TANC1: variants seen among roughly 807,000 people sequenced by gnomAD.
The protein encoded by TANC1 is tetratricopeptide repeat, ankyrin repeat and coiled-coil containing 1.
In TANC1, 77 loss-of-function variants were observed where a neutral mutation model predicts 149.7. That is an observed-to-expected ratio of 0.51 (90% CI 0.43 to 0.62). The LOEUF is 0.62. Ranked by LOEUF, TANC1 falls within the 20% of genes least tolerant of loss-of-function variation. The pLI, the probability that TANC1 is intolerant of heterozygous loss-of-function variation, is 0.00. For synonymous variants in TANC1, 854 were observed against 925.0 expected (o/e 0.92, Z 1.39); for missense variants, 1,985 against 2,321.8 (o/e 0.85, Z 2.98).
chr2:159,060,311 C>T (rs2042149626), intron 2 of TANC1, among the ~76,000 whole-genome samples: 2 of 152,120 alleles, frequency 1.3e-5, no homozygotes, highest in African/African-American at 2.4e-5. Flanking sequence ...GCTTTGAGGC[C>T]AGGTGGATAG....
intron 7 of TANC1, among the ~76,000 whole-genome samples, chr2:159,161,625 A>G (rs898328525): frequency 4.6e-5 from 7 of 152,320 alleles, no homozygotes; most frequent in Middle Eastern, 3.4e-3. Flanking sequence ...TCTGCTGTCA[A>G]CACCACCATT....
intron 7 of TANC1, among the ~76,000 whole-genome samples, chr2:159,159,159 T>A (rs1414581892): frequency 2.0e-5 from 3 of 152,176 alleles, no homozygotes; most frequent in Non-Finnish European, 4.4e-5. Flanking sequence ...CCATTCAACA[T>A]AGAACCTTCA....
chr2:159,037,908 T>G (rs1381804276), intron 2 of TANC1, among the ~76,000 whole-genome samples: 1 of 152,208 alleles, frequency 6.6e-6, no homozygotes, highest in Non-Finnish European at 1.5e-5. Flanking sequence ...ATTGGTAGCT[T>G]GATGGAGATG....
At chr2:159,226,577 A>C (rs113756798) in intron 24 of TANC1, 196 of 152,340 alleles carry the variant, frequency 1.3e-3, no homozygotes, top group African/African-American at 4.6e-3. Context: ...TTTACTTAAT[A>C]CAGTCAAGTA....
intron 17 of TANC1, among the ~76,000 whole-genome samples, chr2:159,195,228 C>T (rs2057760009): frequency 2.0e-5 from 3 of 152,206 alleles, no homozygotes; most frequent in Non-Finnish European, 4.4e-5. Flanking sequence ...TTAAGTGATT[C>T]TCCTGCTTCA....
intron 16 of TANC1, among the ~76,000 whole-genome samples, chr2:159,192,657 GTTTTGCTT>G (rs1277004024): frequency 2.0e-5 from 3 of 152,030 alleles, no homozygotes; most frequent in Non-Finnish European, 4.4e-5. Flanking sequence ...TTTTGTTTTT[GTTTTGCTT>G]TTGAGACGGA....
intron 4 of TANC1, among the ~76,000 whole-genome samples, chr2:159,121,300 T>C (rs1207221410): frequency 6.6e-6 from 1 of 152,248 alleles, no homozygotes; most frequent in Non-Finnish European, 1.5e-5. Context: ...TTTATGCACT[T>C]AATTGCACTA....
chr2:159,187,746 ATCAC>A (rs1226402204), intron 16 of TANC1, among the ~76,000 whole-genome samples: 1 of 152,142 alleles, frequency 6.6e-6, no homozygotes, highest in East Asian at 1.9e-4. Flanking sequence ...TTCCCCCCGA[ATCAC>A]TCACATTGTT....
intron 16 of TANC1, among the ~76,000 whole-genome samples, chr2:159,189,108 T>G (rs549161416): frequency 3.9e-5 from 6 of 152,344 alleles, no homozygotes; most frequent in African/African-American, 1.2e-4. Context: ...TCTCAAGTGA[T>G]GAGAAACCTT....
chr2:159,037,374 C>T (rs1396253068), intron 2 of TANC1, among the ~76,000 whole-genome samples: 1 of 152,094 alleles, frequency 6.6e-6, no homozygotes, highest in East Asian at 1.9e-4. Context: ...AATTAGATCC[C>T]ATTTGTCAAT....
At chr2:158,977,101 T>C (rs1310654439) in intron 1 of TANC1, among the ~76,000 whole-genome samples, 1 of 152,136 alleles carries the variant, frequency 6.6e-6, no homozygotes, top group Non-Finnish European at 1.5e-5. Context: ...ATAAATTTTT[T>C]CCCCTGAAAT....
intron 3 of TANC1, among the ~76,000 whole-genome samples, chr2:159,069,736 TTATC>T (rs1286761993): frequency 6.6e-6 from 1 of 151,414 alleles, no homozygotes; most frequent in Admixed American, 6.6e-5. Context: ...AACAAAAACT[TTATC>T]AACCTAAGAA....
chr2:159,068,570 A>T (rs568997554), intron 3 of TANC1, among the ~76,000 whole-genome samples: 13 of 152,308 alleles, frequency 8.5e-5, no homozygotes, highest in African/African-American at 2.9e-4. Context: ...GTATCCTTCA[A>T]TGGAAACCAA....
At chr2:158,989,221 G>A (rs1478859869) in intron 1 of TANC1, among the ~76,000 whole-genome samples, 3 of 152,054 alleles carry the variant, frequency 2.0e-5, no homozygotes, top group East Asian at 1.9e-4. Context: ...ATACTTTTTT[G>A]GGGGGTGCTG....
chr2:159,129,513 A>T (rs1309720653), intron 4 of TANC1, among the ~76,000 whole-genome samples: 3 of 151,828 alleles, frequency 2.0e-5, no homozygotes, highest in Non-Finnish European at 4.4e-5. Context: ...TTCCAGACTG[A>T]CACAGGCCCT....
intron 3 of TANC1, among the ~76,000 whole-genome samples, chr2:159,086,437 G>T (rs911703810): frequency 3.9e-5 from 6 of 152,108 alleles, no homozygotes; most frequent in African/African-American, 9.7e-5. Context: ...GATATGGTCA[G>T]TTGGAGCTAC....
intron 1 of TANC1, among the ~76,000 whole-genome samples, chr2:158,989,361 T>TGTGGGAGGCTGAG (rs2035367069): frequency 6.6e-6 from 1 of 152,004 alleles, no homozygotes. Context: ...GTCCCAGCAC[T>TGTGGGAGGCTGAG]GTGGGAGGCT....
intron 16 of TANC1, among the ~76,000 whole-genome samples, chr2:159,189,692 G>C (rs996414399): frequency 6.6e-6 from 1 of 152,098 alleles, no homozygotes; most frequent in Non-Finnish European, 1.5e-5. Flanking sequence ...CTGGAAGGGC[G>C]CCTGACACTC....
intron 2 of TANC1, among the ~76,000 whole-genome samples, chr2:159,040,371 T>A (rs2040533201): frequency 6.6e-6 from 1 of 152,210 alleles, no homozygotes; most frequent in African/African-American, 2.4e-5. Flanking sequence ...CTTGGTTACA[T>A]TGTCCCCATC....
Sources: gnomAD v4.1 joint callset for allele counts (sites outside exome capture counted in the v4.1 genomes callset) on GRCh38, gnomAD v4.1.1 for gene constraint, MANE v1.5 for transcripts, NCBI Gene and HGNC (gene_info 2026-07-23, HGNC 2026-07-21) for gene names.